Variants in KCNMA1 observed in about 807,000 individuals in gnomAD.
The protein encoded by KCNMA1 is potassium calcium-activated channel subfamily M alpha 1.
KCNMA1 carries 29 observed loss-of-function variants against 140.0 expected under a neutral mutation model. The observed-to-expected ratio is 0.21, with a 90% confidence interval of 0.15 to 0.28. The LOEUF is 0.28. Ranked by LOEUF, KCNMA1 falls within the 10% of genes least tolerant of loss-of-function variation. The pLI is 1.00. For missense variants in KCNMA1, 880 were observed against 1,602.2 expected, an observed-to-expected ratio of 0.55 and a Z score of 7.70; for synonymous variants, 612 against 611.9, an observed-to-expected ratio of 1.00 and a Z score of 0.00.
intron 1 of KCNMA1, among the ~76,000 whole-genome samples, chr10:77,512,877 C>T (rs531235118): frequency 1.3e-5 from 2 of 152,318 alleles, no homozygotes; most frequent in South Asian, 2.1e-4. Context: ...TCCAAGCCAC[C>T]GTTCCACTAT....
chr10:77,502,354 C>A (rs748600263), intron 1 of KCNMA1, among the ~76,000 whole-genome samples: 1 of 152,206 alleles, frequency 6.6e-6, no homozygotes, highest in Non-Finnish European at 1.5e-5. Context: ...GGCCCGTACT[C>A]TTGAGCCACC....
At position 77,028,042 on chromosome 10, in the gene KCNMA1, G is replaced by A. The variant is rs116144202; in HGVS notation, c.1860-151C>T. ...ACTGTGCCAAAGGGAGGGGGTGGAA[G>A]CAACACCTCCCCATCTTCCCTATTA... is the stretch of plus-strand genomic sequence containing the variant. On this transcript the variant is annotated intron_variant, in intron 15 of 27. Coordinates refer to ENST00000286628, the MANE Select transcript of KCNMA1 (RefSeq NM_001161352.2). 9.4e-4 allele frequency: 692 copies of A among 738,758 alleles called. 3 individuals are homozygous for A. The African/African-American group carries it at 0.011, about 11-fold the overall frequency. The allele number at this position is 738,758 out of a possible 1,614,324, so 45.8% of individuals were successfully genotyped here. A position where few individuals can be genotyped will look rare whatever the true frequency, so the allele number is the denominator to read the frequency against.
chr10:77,459,062 G>A (rs1052718420), intron 1 of KCNMA1, among the ~76,000 whole-genome samples: 3 of 152,202 alleles, frequency 2.0e-5, no homozygotes, highest in Admixed American at 6.5e-5. Context: ...GGCAAGGGCT[G>A]CACCTGGGGG....
rs1214660303 is a variant in KCNMA1, at chr10:77,073,038, C to G, written c.1749+59G>C. The G allele has an allele frequency of 2.0e-6, 3 of 1,532,364 alleles. No homozygotes were observed. In the African/African-American group the frequency reaches 4.1e-5, roughly 21 times the overall value. The allele number at this position is 1,532,364 out of a possible 1,614,324, so 94.9% of individuals were successfully genotyped here. A position where few individuals can be genotyped will look rare whatever the true frequency, so the allele number is the denominator to read the frequency against. On this transcript the variant is annotated intron_variant, in intron 14 of 27. Transcript: ENST00000286628. Reference sequence around the variant, plus strand: ...TTTTGAGTTTAAGCTGTGCTCTCTACTCAACCCCACGACAAATGGAATCCC... The same window carrying G: ...TTTTGAGTTTAAGCTGTGCTCTCTAGTCAACCCCACGACAAATGGAATCCC...
intron 18 of KCNMA1, among the ~76,000 whole-genome samples, chr10:77,009,826 A>G (rs552007961): frequency 1.4e-3 from 215 of 152,258 alleles, no homozygotes; most frequent in African/African-American, 5.1e-3. Context: ...TGACCTTCCA[A>G]GCTATAAAGT....
chr10:77,310,281 C>G (rs530561182), intron 2 of KCNMA1, among the ~76,000 whole-genome samples: 2 of 152,216 alleles, frequency 1.3e-5, no homozygotes, highest in African/African-American at 4.8e-5. Context: ...CTCAGCTGCC[C>G]CTGCTGCTGC....
At chr10:76,917,261 C>T (rs1409164373) in intron 23 of KCNMA1, among the ~76,000 whole-genome samples, 1 of 152,150 alleles carries the variant, frequency 6.6e-6, no homozygotes, top group Non-Finnish European at 1.5e-5. Flanking sequence ...ATGCTATATG[C>T]ATAATACATG....
intron 1 of KCNMA1, among the ~76,000 whole-genome samples, chr10:77,567,542 C>T (rs1181796721): frequency 1.3e-5 from 2 of 152,204 alleles, no homozygotes; most frequent in Non-Finnish European, 2.9e-5. Context: ...TGGACCCTTC[C>T]TAAGGGAGAA....
chr10:76,909,263 A>C (rs952690453), intron 25 of KCNMA1, among the ~76,000 whole-genome samples: 107 of 151,440 alleles, frequency 7.1e-4, no homozygotes, highest in Non-Finnish European at 1.3e-3. Context: ...AGCTCCATCC[A>C]CCTCCCTCGA....
intron 5 of KCNMA1, 149 bp downstream of exon 5, chr10:77,183,272 C>G (rs1186741853): frequency 1.0e-5 from 7 of 694,854 alleles, no homozygotes; most frequent in Non-Finnish European, 1.6e-5. Flanking sequence ...GAGCTGCCAC[C>G]ATCAACTTCT....
At chr10:77,158,584 T>C (rs1162690770) in intron 5 of KCNMA1, among the ~76,000 whole-genome samples, 2 of 152,078 alleles carry the variant, frequency 1.3e-5, no homozygotes, top group Non-Finnish European at 2.9e-5. Context: ...CTCTCCCCTC[T>C]CTAGCTCCAT....
At chr10:77,559,075 G>A (rs2065480184) in intron 1 of KCNMA1, among the ~76,000 whole-genome samples, 1 of 152,152 alleles carries the variant, frequency 6.6e-6, no homozygotes, top group Non-Finnish European at 1.5e-5. Flanking sequence ...CCCAGCCCCT[G>A]TCACTGGGCA....
intron 19 of KCNMA1, among the ~76,000 whole-genome samples, chr10:77,000,926 A>G (rs1232042538): frequency 1.4e-5 from 2 of 141,756 alleles, no homozygotes; most frequent in Non-Finnish European, 3.0e-5. Context: ...ACTCTGTTGT[A>G]TTTTGGAAAC....
At chr10:77,194,835 C>T (rs1207267497) in intron 3 of KCNMA1, among the ~76,000 whole-genome samples, 4 of 151,062 alleles carry the variant, frequency 2.6e-5, no homozygotes, top group Non-Finnish European at 5.9e-5. Context: ...CTGAGAACAT[C>T]TGGAAAAAAA....
intron 3 of KCNMA1, among the ~76,000 whole-genome samples, chr10:77,216,078 C>T (rs2047688562): frequency 6.6e-6 from 1 of 152,056 alleles, no homozygotes; most frequent in Non-Finnish European, 1.5e-5. Context: ...AGAAGGAAGT[C>T]ACAAAAAGCC....
chr10:77,499,899 A>G (rs565110843), intron 1 of KCNMA1, among the ~76,000 whole-genome samples: 3 of 152,130 alleles, frequency 2.0e-5, no homozygotes, highest in Non-Finnish European at 2.9e-5. Context: ...TAATAAGTAG[A>G]AGTTTTAAAT....
chr10:77,433,019 A>C (rs1049538889), intron 1 of KCNMA1, among the ~76,000 whole-genome samples: 2 of 151,990 alleles, frequency 1.3e-5, no homozygotes, highest in African/African-American at 4.8e-5. Context: ...ATTTAAAAAG[A>C]CTCCGCAACT....
intron 15 of KCNMA1, 72 bp from the exon 16 acceptor site, chr10:77,027,963 G>T: frequency 7.6e-7 from 1 of 1,307,998 alleles, no homozygotes; most frequent in Non-Finnish European, 1.1e-6. Flanking sequence ...ACACTATTAC[G>T]ATCTTTCGGT....
intron 3 of KCNMA1, among the ~76,000 whole-genome samples, chr10:77,194,484 G>A (rs1021925611): frequency 1.3e-5 from 2 of 152,058 alleles, no homozygotes; most frequent in African/African-American, 4.8e-5. Context: ...TGTCATACCT[G>A]GATGGCATGA....
Sources: allele counts gnomAD v4.1 joint callset (sites outside exome capture counted in the v4.1 genomes callset), GRCh38; gene constraint gnomAD v4.1.1; transcripts MANE v1.5; gene names NCBI Gene and HGNC (gene_info 2026-07-23, HGNC 2026-07-21).